DUSP18: variants seen among roughly 807,000 people sequenced by gnomAD.
The protein encoded by DUSP18 is dual specificity protein phosphatase 18.
A neutral mutation model predicts 6.3 loss-of-function variants in DUSP18; 4 were observed. The ratio of observed to expected loss-of-function variants is 0.63; its 90% CI spans 0.31 to 1.45. The LOEUF (loss-of-function observed/expected upper bound fraction) is 1.45, where lower values mean the gene tolerates loss of function less well. Among genes scored for constraint, DUSP18 ranks in the 40% most tolerant of loss-of-function variants. The pLI is 0.07. For synonymous variants in DUSP18, 96 were observed against 95.1 expected, an observed-to-expected ratio of 1.01 and a Z score of -0.05; for missense variants, 235 against 247.7, an observed-to-expected ratio of 0.95 and a Z score of 0.34.
rs968898892 is a variant in DUSP18 at position 30,664,099 on chromosome 22, T to C, written c.-77-19A>G. 1 of 1,151,742 alleles carries C rather than the reference T, an allele frequency of 8.7e-7. No homozygotes were observed. The highest frequency in any genetic ancestry group is 1.2e-6 in the Non-Finnish European group (1 of 810,476). The allele number at this position is 1,151,742 out of a possible 1,614,324, so 71.3% of individuals were successfully genotyped here. A position where few individuals can be genotyped will look rare whatever the true frequency, so the allele number is the denominator to read the frequency against. On this transcript the variant is annotated intron_variant, in intron 1 of 1. Transcript: ENST00000334679. ...TGGAAAACTGCAGAGAGGGAGAGGA[T>C]GTTTAGAGGGCAGGTGCCCAGAGGG...
chr22:30,654,124 C>T (rs1055124020), intron 2 of DUSP18: 5 of 229,208 alleles, frequency 2.2e-5, no homozygotes, highest in Non-Finnish European at 4.3e-5. Flanking sequence ...AGACTACGGG[C>T]GCCCGCCACC....
chr22:30,656,140 T>C (rs1300794714), intron 2 of DUSP18, among the ~76,000 whole-genome samples: 2 of 151,784 alleles, frequency 1.3e-5, no homozygotes, highest in African/African-American at 2.4e-5. Context: ...TGCTGGGCTT[T>C]TTTTTTTTAA....
At chr22:30,653,623 C>CCT (rs1373796989) in intron 2 of DUSP18, among the ~76,000 whole-genome samples, 3 of 152,046 alleles carry the variant, frequency 2.0e-5, no homozygotes, top group Admixed American at 2.0e-4. Context: ...CCCGCCCCCC[C>CCT]TCGGCCTCCC....
Position 30,661,931 on chromosome 22 carries a change from C to T in DUSP18, c.*1506G>A, listed in dbSNP as rs1041512921. On this transcript the variant is annotated 3_prime_UTR_variant, in exon 2 of 2. Coordinates refer to ENST00000334679, the MANE Select transcript of DUSP18 (RefSeq NM_152511.5). The stretch of plus-strand genomic sequence containing the variant: ...GAAGCTGGAACTGTGCTCCTTGTTT[C>T]AGGACCTCTAGATTGCACCTAGATT... 1 of 150,880 alleles carries T rather than the reference C, an allele frequency of 6.6e-6. No homozygotes were observed. Among genetic ancestry groups the T allele is most frequent in the Non-Finnish European group, 1.5e-5 (1 of 67,970 alleles). The allele number at this position is 150,880 out of a possible 1,614,324, so 9.3% of individuals were successfully genotyped here.
chr22:30,664,961 G>C (rs562038581), intron 1 of DUSP18: 1 of 152,654 alleles, frequency 6.6e-6, no homozygotes, highest in Admixed American at 6.5e-5. Context: ...TCACCTGCTC[G>C]ATAGGCTCAG....
chr22:30,657,481 G>A (rs368611363), downstream of DUSP18, among the ~76,000 whole-genome samples: 13 of 151,012 alleles, frequency 8.6e-5, no homozygotes, highest in African/African-American at 2.7e-4. Flanking sequence ...AATTCTGGCC[G>A]GGTGTAGTGG....
downstream of DUSP18, among the ~76,000 whole-genome samples, chr22:30,657,906 A>AAATAATAAT (rs56297954): frequency 3.8e-5 from 5 of 129,944 alleles, no homozygotes; most frequent in Admixed American, 8.1e-5. Context: ...TCTGTCTCAA[A>AAATAATAAT]AATAATAATA....
In DUSP18 at chr22:30,663,482, G is replaced by T. The variant is rs751239544; in HGVS notation, c.522C>A (p.Ile174=). 3.7e-6 allele frequency: 6 copies of T among 1,613,816 alleles called. No homozygotes were observed. Among genetic ancestry groups the T allele is most frequent in the Non-Finnish European group, 5.1e-6 (6 of 1,179,824 alleles). Residue 174 remains isoleucine (I), a synonymous_variant, in exon 2 of 2, where the codon ATC becomes ATA. Coordinates refer to ENST00000334679, the MANE Select transcript of DUSP18 (RefSeq NM_152511.5). The part of the protein sequence containing the change: ...VHMVSSPVGM[I]PDIYEKEVRL... The stretch of plus-strand genomic sequence containing the variant: ...GGACTTCCTTCTCATAGATGTCAGG[G>T]ATCATTCCCACTGGGGAACTGACCA...
intron 1 of DUSP18, among the ~76,000 whole-genome samples, chr22:30,664,639 A>G (rs1341983884): frequency 1.3e-5 from 2 of 152,264 alleles, no homozygotes; most frequent in Non-Finnish European, 2.9e-5. Flanking sequence ...GGAGGCTGGT[A>G]TAAGAGTAGG....
intron 2 of DUSP18, chr22:30,652,378 A>G (rs1405867850): frequency 6.6e-6 from 1 of 152,216 alleles, no homozygotes; most frequent in African/African-American, 2.4e-5. Flanking sequence ...CATGACTCCT[A>G]AGCCATAATT....
rs1055418624 is a variant in DUSP18 at position 30,667,631 on chromosome 22, G to C, written c.-247C>G. 6.6e-6 allele frequency: 1 copy of C among 152,656 alleles called. No homozygotes were observed. Among genetic ancestry groups the C allele is most frequent in the African/African-American group, 2.4e-5 (1 of 41,460 alleles). 9.5% of individuals were successfully genotyped at this position (152,656 alleles called of 1,614,324 possible). A position where few individuals can be genotyped will look rare whatever the true frequency, so the allele number is the denominator to read the frequency against. On this transcript the variant is annotated 5_prime_UTR_variant, in exon 1 of 2. Coordinates refer to ENST00000334679, the MANE Select transcript of DUSP18 (RefSeq NM_152511.5). ...GGCTCGTCGCAGAAAGGAATAGCCTGTGCCGGGTCTTCAGAGAAATCCTGG... is the reference window on the plus strand; with the variant it reads ...GGCTCGTCGCAGAAAGGAATAGCCTCTGCCGGGTCTTCAGAGAAATCCTGG...
downstream of DUSP18, among the ~76,000 whole-genome samples, chr22:30,658,300 A>G (rs2078976): frequency 0.44 from 66,274 of 150,840 alleles, 17,476 homozygotes; most frequent in South Asian, 0.61. Flanking sequence ...GAACTTTGGG[A>G]GGCTGAGGCA....
chr22:30,656,817 G>C (rs1476111073), downstream of DUSP18, among the ~76,000 whole-genome samples: 1 of 152,130 alleles, frequency 6.6e-6, no homozygotes, highest in Admixed American at 6.6e-5. Context: ...TAAAAAGAGA[G>C]TTAAAAAGGA....
At chr22:30,652,304 A>G (rs564479672) in intron 2 of DUSP18, 1 of 152,308 alleles carries the variant, frequency 6.6e-6, no homozygotes, top group South Asian at 2.1e-4. Flanking sequence ...GGGGCTGCAA[A>G]ATATCACAAG....
At chr22:30,660,821 A>T (rs2088442839), downstream of DUSP18, among the ~76,000 whole-genome samples, 1 of 151,820 alleles carries the variant, frequency 6.6e-6, no homozygotes, top group Non-Finnish European at 1.5e-5. Context: ...AAAACCATGG[A>T]GGCCAGAAGG....
chr22:30,667,465 T>C lies in DUSP18; in HGVS notation c.-81A>G, dbSNP rs965491619. ...GTCAGGACCCCCAGGGTTTTACCTC[T>C]CTCCTTCAGGCGGGTGGGCGGGTTC... On this transcript the variant is annotated 5_prime_UTR_variant, in exon 1 of 2. Coordinates refer to ENST00000334679, the MANE Select transcript of DUSP18 (RefSeq NM_152511.5). The C allele has an allele frequency of 6.6e-6, 1 of 152,136 alleles. No individual in the cohort carries two copies. Among genetic ancestry groups the C allele is most frequent in the Non-Finnish European group, 1.5e-5 (1 of 68,034 alleles). The allele number at this position is 152,136 out of a possible 1,614,324, so 9.4% of individuals were successfully genotyped here. A position where few individuals can be genotyped will look rare whatever the true frequency, so the allele number is the denominator to read the frequency against.
chr22:30,661,085 G>A (rs1050269803), downstream of DUSP18, among the ~76,000 whole-genome samples: 3 of 152,018 alleles, frequency 2.0e-5, no homozygotes, highest in African/African-American at 7.3e-5. Context: ...AAGTGATCTG[G>A]CCACCTCGGC....
At chr22:30,657,494 C>T (rs1454400217), downstream of DUSP18, among the ~76,000 whole-genome samples, 3 of 149,350 alleles carry the variant, frequency 2.0e-5, no homozygotes, top group Admixed American at 2.0e-4. Flanking sequence ...TGTAGTGGGT[C>T]GCGCCTATAA....
Position 30,662,206 on chromosome 22 carries a change from A to G in DUSP18, c.*1231T>C, listed in dbSNP as rs9606761. 11,459 of 152,282 alleles carry G rather than the reference A, an allele frequency of 0.075. 653 individuals carry two copies. Among genetic ancestry groups the G allele is most frequent in the East Asian group, 0.26 (1,346 of 5,178 alleles). The allele number at this position is 152,282 out of a possible 1,614,324, so 9.4% of individuals were successfully genotyped here. On this transcript the variant is annotated 3_prime_UTR_variant, in exon 2 of 2. Coordinates refer to ENST00000334679, the MANE Select transcript of DUSP18 (RefSeq NM_152511.5). ...ATGAGAGCTGCCATTTGCGCTAAGC[A>G]CACACCATGTGCCAGGCACTATGCC...
Sources: gnomAD v4.1 joint callset for allele counts (sites outside exome capture counted in the v4.1 genomes callset) on GRCh38, gnomAD v4.1.1 for gene constraint, MANE v1.5 for transcripts, NCBI Gene and HGNC (gene_info 2026-07-23, HGNC 2026-07-21) for gene names.